The following ZWINT variants were observed in gnomAD, a reference collection of about 807,000 sequenced individuals.
ZWINT encodes outer kinetochore KNL1 complex subunit ZWINT.
A neutral mutation model predicts 41.5 loss-of-function variants in ZWINT; 41 were observed. The observed-to-expected ratio is 0.99, with a 90% confidence interval of 0.77 to 1.28. The LOEUF (loss-of-function observed/expected upper bound fraction) is 1.28, where lower values mean the gene tolerates loss of function less well. ZWINT is among the 50% of genes most tolerant of loss of function. ZWINT has a pLI of 0.00. For missense variants in ZWINT, 369 were observed against 329.7 expected, an observed-to-expected ratio of 1.12 and a Z score of -0.92; for synonymous variants, 132 against 126.8, an observed-to-expected ratio of 1.04 and a Z score of -0.28.
rs11005328 is a variant in ZWINT at position 56,361,227 on chromosome 10, C to A, written c.10G>T (p.Ala4Ser). 46,115 of 1,612,454 alleles carry A rather than the reference C, an allele frequency of 0.029. 2,757 individuals are homozygous for A. Among genetic ancestry groups the A allele is most frequent in the African/African-American group, 0.22 (16,388 of 74,982 alleles). ...GCTGCAGCTTCCGCCTCTGTCTCCG[C>A]TGCCTCCATCTTTCCAGGCGCCGAG... MEA[A>S]ETEAEAAALE... The change falls in exon 1 of 9, where the codon GCG becomes TCG. Residue 4 changes from alanine (A) to serine (S), a missense_variant. Coordinates refer to ENST00000373944, the MANE Select transcript of ZWINT (RefSeq NM_007057.4).
intron 7 of ZWINT, 26 bp from the exon 8 acceptor site, chr10:56,358,485 G>A (rs764673954): frequency 1.9e-6 from 3 of 1,613,948 alleles, no homozygotes; most frequent in African/African-American, 1.3e-5. Flanking sequence ...TATAGACAGT[G>A]GGTAAGGCCA....
Position 56,358,055 on chromosome 10 carries a change from A to G in ZWINT, c.*172T>C. On this transcript the variant is annotated 3_prime_UTR_variant, in exon 9 of 9. Transcript: ENST00000373944. ...GCATATGAAGATGAACAAATACACA[A>G]CTGAGAGAGATCCAGGGATTTTAAT... 1.8e-6 allele frequency: 1 copy of G among 571,396 alleles called. No individual in the cohort carries two copies. The highest frequency in any genetic ancestry group is 3.5e-6 in the Non-Finnish European group (1 of 285,188). The allele number at this position is 571,396 out of a possible 1,614,324, so 35.4% of individuals were successfully genotyped here.
Position 56,357,422 on chromosome 10 carries a change from TAAAG to T in ZWINT, c.*801_*804del, listed in dbSNP as rs1482416309. On this transcript the variant is annotated 3_prime_UTR_variant, in exon 9 of 9. Transcript: ENST00000373944. ...GCTATGAATTGAATGATTGTGAAAA[TAAAG>T]GAAGTCAGAAGAAATGTATAACCTT... The T allele has an allele frequency of 8.6e-5, 13 of 152,020 alleles. No individual in the cohort carries two copies. 9.4% of individuals were successfully genotyped at this position (152,020 alleles called of 1,614,324 possible).
chr10:56,358,915 A>G lies in ZWINT; in HGVS notation c.513T>C (p.Ser171=), dbSNP rs1838246054. ...EKHLQHLAEV[S]AEVRERKTGT... is the part of the protein sequence containing the mutation. ...CTGTCTTACGCTCCCTCACCTCTGC[A>G]GAAACCTCCGCCAGATGCTGCAGAT... is the stretch of plus-strand genomic sequence containing the variant. Residue 171 remains serine, a synonymous_variant, in exon 6 of 9, where the codon TCT becomes TCC. Transcript: ENST00000373944. 3 of 1,614,032 alleles carry G rather than the reference A, an allele frequency of 1.9e-6. No homozygotes were observed. Among genetic ancestry groups the G allele is most frequent in the Non-Finnish European group, 2.5e-6 (3 of 1,180,032 alleles).
At chr10:56,360,420 T>C in intron 1 of ZWINT, 37 bp from the exon 2 acceptor site, 2 of 1,559,388 alleles carry the variant, frequency 1.3e-6, no homozygotes, top group Non-Finnish European at 1.8e-6. Flanking sequence ...TTGCAGTTTC[T>C]TGTGGTGCTA....
chr10:56,358,868 C>A lies in ZWINT; in HGVS notation c.560G>T (p.Arg187Met). Residue 187 changes from arginine to methionine, a missense_variant, in exon 6 of 9, where the codon AGG becomes ATG. By Grantham distance (91) the Arg-to-Met change is moderately conservative (BLOSUM62 -1). Coordinates refer to ENST00000373944, the MANE Select transcript of ZWINT (RefSeq NM_007057.4). ...RKTGTQQELD[R>M]VFQKLGNLKQ... ...CAGGTTTCCAAGTTTCTGAAACACC[C>A]TGTCAAGCTCCTGCTGAGTCCCTGT... The A allele has an allele frequency of 6.2e-7, 1 of 1,614,100 alleles. No individual in the cohort carries two copies.
At position 56,357,784 on chromosome 10, in the gene ZWINT, C is replaced by T. The variant is rs1052312873; in HGVS notation, c.*443G>A. On this transcript the variant is annotated 3_prime_UTR_variant, in exon 9 of 9. Coordinates refer to ENST00000373944, the MANE Select transcript of ZWINT (RefSeq NM_007057.4). ...GCTCACTGTTATAATTCTGGTTCAC[C>T]GCAAGAACCTTAGCACAAAGAAAGG... 4.5e-5 allele frequency: 14 copies of T among 311,880 alleles called. No homozygotes were observed. Among genetic ancestry groups the T allele is most frequent in the South Asian group, 1.4e-4 (5 of 35,226 alleles). The allele number at this position is 311,880 out of a possible 1,614,324, so 19.3% of individuals were successfully genotyped here. A position where few individuals can be genotyped will look rare whatever the true frequency, so the allele number is the denominator to read the frequency against.
intron 1 of ZWINT, 78 bp downstream of exon 1, chr10:56,361,118 G>A: frequency 6.6e-7 from 1 of 1,521,876 alleles, no homozygotes; most frequent in Non-Finnish European, 9.0e-7. Context: ...AGGGTCGAGG[G>A]CACCAATCAT....
chr10:56,360,027 C>T lies in ZWINT; in HGVS notation c.247G>A (p.Asp83Asn), dbSNP rs767486151. ...AKGLDPLASEDTSRQKAIAAK... is the reference protein window; with the variant it reads ...AKGLDPLASENTSRQKAIAAK... Reference sequence around the variant, plus strand: ...TCCCCTGCCTACTCACGGCTCGTGTCTTCAGAAGCCAAGGGGTCGAGACCC... The same window carrying T: ...TCCCCTGCCTACTCACGGCTCGTGTTTTCAGAAGCCAAGGGGTCGAGACCC... The change falls in exon 3 of 9, where the codon GAC becomes AAC. Residue 83 changes from aspartate to asparagine, a missense_variant. Asp to Asn is a conservative substitution (Grantham distance 23, BLOSUM62 1). Transcript: ENST00000373944. 1.2e-6 allele frequency: 2 copies of T among 1,614,038 alleles called. No homozygotes were observed. The highest frequency in any genetic ancestry group is 2.2e-5 in the South Asian group (2 of 91,074).
chr10:56,358,860 G>GA lies in ZWINT; in HGVS notation c.567dup (p.Gln190SerfsTer33). The GA allele has an allele frequency of 6.2e-7, 1 of 1,614,058 alleles. No individual in the cohort carries two copies. The highest frequency in any genetic ancestry group is 1.3e-5 in the African/African-American group (1 of 75,014). On this transcript the variant is annotated frameshift_variant, in exon 6 of 9. Transcript: ENST00000373944. LOFTEE classifies it high-confidence loss of function. ...TGCTGCTTCAGGTTTCCAAGTTTCT[G>GA]AAACACCCTGTCAAGCTCCTGCTGA...
rs1390309547 is a variant in ZWINT at position 56,359,975 on chromosome 10, C to T, written c.256+43G>A. The T allele has an allele frequency of 4.3e-6, 7 of 1,609,578 alleles. 1 individual carries two copies. In the South Asian group the frequency reaches 6.6e-5, roughly 15 times the overall value. ...GACCTAACTGAAATCCTCCTTCCTT[C>T]CCCACTCAGGTCAGCTGCTACTACA... On this transcript the variant is annotated intron_variant, in intron 3 of 8. Transcript: ENST00000373944.
chr10:56,357,902 CAT>C lies in ZWINT; in HGVS notation c.*323_*324del. 1 of 361,692 alleles carries C rather than the reference CAT, an allele frequency of 2.8e-6. No individual in the cohort carries two copies. The highest frequency in any genetic ancestry group is 5.5e-6 in the Non-Finnish European group (1 of 183,306). 22.4% of individuals were successfully genotyped at this position (361,692 alleles called of 1,614,324 possible). On this transcript the variant is annotated 3_prime_UTR_variant, in exon 9 of 9. Coordinates refer to ENST00000373944, the MANE Select transcript of ZWINT (RefSeq NM_007057.4). ...CTCCTCCTCCTTGAATTAAATTCAC[CAT>C]GTCTGCATCATAGGAGGCCCAAGGC...
At position 56,358,835 on chromosome 10, in the gene ZWINT, T is replaced by C; in HGVS notation, c.593A>G (p.Gln198Arg). The C allele has an allele frequency of 2.5e-6, 4 of 1,614,106 alleles. No individual in the cohort carries two copies. The South Asian group carries it at 4.4e-5, about 18-fold the overall frequency. Reference protein sequence around the residue: ...VFQKLGNLKQQAEQERDKLQR... With the variant: ...VFQKLGNLKQRAEQERDKLQR... ...CAGCTTGTCCCGCTCCTGTTCTGCC[T>C]GCTGCTTCAGGTTTCCAAGTTTCTG... The change falls in exon 6 of 9, where the codon CAG (glutamine) becomes CGG (arginine). Residue 198 changes from glutamine to arginine, a missense_variant. Transcript: ENST00000373944.
At position 56,360,316 on chromosome 10, in the gene ZWINT, T is replaced by C. The variant is rs1311026442; in HGVS notation, c.109A>G (p.Lys37Glu). The C allele has an allele frequency of 6.2e-7, 1 of 1,614,164 alleles. No individual in the cohort carries two copies. Among genetic ancestry groups the C allele is most frequent in the Non-Finnish European group, 8.5e-7 (1 of 1,180,018 alleles). ...GLQEEAELPA[K>E]ILVEFVVDSQ... ...ACCACCACAAACTCAACCAGGATCT[T>C]GGCTGGCAGTTCTGCCTCCTCCTGC... is the stretch of plus-strand genomic sequence containing the variant. Residue 37 changes from lysine (K) to glutamate (E), a missense_variant, in exon 2 of 9, where the codon AAG becomes GAG. Lys to Glu is a moderately conservative substitution (Grantham distance 56). Coordinates refer to ENST00000373944, the MANE Select transcript of ZWINT (RefSeq NM_007057.4).
rs767881408 is a variant in ZWINT at position 56,357,987 on chromosome 10, G to A, written c.*240C>T. ...TCAAACCAGTCCCAGCTCCTGTCATGTTATTGGCTTCTGAGTATCTGTATT... is the reference window on the plus strand; with the variant it reads ...TCAAACCAGTCCCAGCTCCTGTCATATTATTGGCTTCTGAGTATCTGTATT... On this transcript the variant is annotated 3_prime_UTR_variant, in exon 9 of 9. Coordinates refer to ENST00000373944, the MANE Select transcript of ZWINT (RefSeq NM_007057.4). 2 of 481,840 alleles carry A rather than the reference G, an allele frequency of 4.2e-6. No homozygotes were observed. Among genetic ancestry groups the A allele is most frequent in the African/African-American group, 3.9e-5 (2 of 51,026 alleles). The allele number at this position is 481,840 out of a possible 1,614,324, so 29.8% of individuals were successfully genotyped here.
chr10:56,358,624 G>T lies in ZWINT; in HGVS notation c.724C>A (p.Gln242Lys), dbSNP rs1236648674. 1 of 1,613,956 alleles carries T rather than the reference G, an allele frequency of 6.2e-7. No homozygotes were observed. Among genetic ancestry groups the T allele is most frequent in the Non-Finnish European group, 8.5e-7 (1 of 1,180,032 alleles). The change falls in exon 7 of 9, where the codon CAG (glutamine) becomes AAG (lysine). Residue 242 changes from glutamine to lysine, a missense_variant. By Grantham distance (53) the Gln-to-Lys change is moderately conservative. Coordinates refer to ENST00000373944, the MANE Select transcript of ZWINT (RefSeq NM_007057.4). The part of the protein sequence containing the change: ...AENLPDDKPQ[Q>K]PTRPQEQSTG... ...CTCTGCTCCTGGGGTCGAGTCGGCT[G>T]CTGGGGTTTATCATCTGGAAGATTC... is the stretch of plus-strand genomic sequence containing the variant.
chr10:56,357,770 T>C lies in ZWINT; in HGVS notation c.*457A>G. ...AAACAGTCAGATGAGCTCACTGTTA[T>C]AATTCTGGTTCACCGCAAGAACCTT... On this transcript the variant is annotated 3_prime_UTR_variant, in exon 9 of 9. Transcript: ENST00000373944. 1 of 322,686 alleles carries C rather than the reference T, an allele frequency of 3.1e-6. No homozygotes were observed. Among genetic ancestry groups the C allele is most frequent in the Non-Finnish European group, 6.0e-6 (1 of 166,140 alleles). The allele number at this position is 322,686 out of a possible 1,614,324, so 20.0% of individuals were successfully genotyped here.
In ZWINT at chr10:56,358,794, C is replaced by T; in HGVS notation, c.623+11G>A. The T allele has an allele frequency of 6.2e-7, 1 of 1,614,020 alleles. No homozygotes were observed. Among genetic ancestry groups the T allele is most frequent in the Non-Finnish European group, 8.5e-7 (1 of 1,179,998 alleles). ...CCATTTTGAATCTGCAGCCCATGCTCCCGAACTTACCTCTGCAGCTTGTCC... is the reference window on the plus strand; with the variant it reads ...CCATTTTGAATCTGCAGCCCATGCTTCCGAACTTACCTCTGCAGCTTGTCC... On this transcript the variant is annotated intron_variant, in intron 6 of 8. Transcript: ENST00000373944.
In ZWINT at chr10:56,358,593, C is replaced by T. The variant is rs765155142; in HGVS notation, c.755G>A (p.Gly252Glu). ...QPTRPQEQST[G>E]DTMGRDPGVS... is the part of the protein sequence containing the mutation. Reference sequence around the variant, plus strand: ...ACCAGGGTCTCTCCCCATGGTGTCTCCTGTACTCTGCTCCTGGGGTCGAGT... The same window carrying T: ...ACCAGGGTCTCTCCCCATGGTGTCTTCTGTACTCTGCTCCTGGGGTCGAGT... The change falls in exon 7 of 9, where the codon GGA (glycine) becomes GAA (glutamate). Residue 252 changes from glycine (G) to glutamate (E), a missense_variant. Coordinates refer to ENST00000373944, the MANE Select transcript of ZWINT (RefSeq NM_007057.4). 36 of 1,613,994 alleles carry T rather than the reference C, an allele frequency of 2.2e-5. No individual in the cohort carries two copies. The highest frequency in any genetic ancestry group is 2.9e-5 in the Non-Finnish European group (34 of 1,180,036).
Sources: gnomAD v4.1 joint callset for allele counts on GRCh38, gnomAD v4.1.1 for gene constraint, MANE v1.5 for transcripts, NCBI Gene and HGNC (gene_info 2026-07-23, HGNC 2026-07-21) for gene names.